The following TENM2 variants were observed in gnomAD, a reference collection of about 807,000 sequenced individuals.
TENM2 encodes the protein teneurin-2.
A neutral mutation model predicts 245.2 loss-of-function variants in TENM2; 52 were observed. The ratio of observed to expected loss-of-function variants is 0.21; its 90% CI spans 0.17 to 0.27. TENM2 has a LOEUF of 0.27. TENM2 is among the 10% of genes least tolerant of loss of function. TENM2 has a pLI of 1.00. For synonymous variants in TENM2, 1,363 were observed against 1,438.9 expected, an observed-to-expected ratio of 0.95 and a Z score of 1.19; for missense variants, 3,046 against 3,666.8, an observed-to-expected ratio of 0.83 and a Z score of 4.37.
the TENM2 span, among the ~76,000 whole-genome samples, chr5:167,042,627 A>G: frequency 1.2e-4 from 19 of 152,350 alleles, no homozygotes; most frequent in African/African-American, 4.6e-4. Flanking sequence ...GTCTATAAAG[A>G]CATACATTTC....
intron 2 of TENM2, among the ~76,000 whole-genome samples, chr5:167,615,537 G>A (rs1777735710): frequency 6.6e-6 from 1 of 152,094 alleles, no homozygotes; most frequent in Non-Finnish European, 1.5e-5. Context: ...ATCTTTAGTT[G>A]TGTTGTAATT....
chr5:167,715,537 T>C (rs1179264008), intron 2 of TENM2, among the ~76,000 whole-genome samples: 1 of 152,208 alleles, frequency 6.6e-6, no homozygotes, highest in African/African-American at 2.4e-5. Flanking sequence ...ATTTTATGGT[T>C]ATGAACAAAG....
chr5:167,627,841 G>T (rs1778612113), intron 2 of TENM2, among the ~76,000 whole-genome samples: 1 of 152,116 alleles, frequency 6.6e-6, no homozygotes, highest in South Asian at 2.1e-4. Context: ...ACAGGCGTGA[G>T]CCACCACGCC....
chr5:167,000,152 A>G, the TENM2 span, among the ~76,000 whole-genome samples: 1 of 151,346 alleles, frequency 6.6e-6, no homozygotes, highest in Non-Finnish European at 1.5e-5. Context: ...TGTCACAGTC[A>G]GTGGAAGAGA....
intron 27 of TENM2, among the ~76,000 whole-genome samples, chr5:168,259,060 C>T (rs1475707469): frequency 1.3e-5 from 2 of 151,244 alleles, no homozygotes; most frequent in African/African-American, 4.9e-5. Context: ...GTGGCGGGCA[C>T]CTGTAATCCC....
intron 2 of TENM2, among the ~76,000 whole-genome samples, chr5:167,798,575 C>T (rs1035909541): frequency 6.6e-5 from 10 of 152,166 alleles, no homozygotes; most frequent in African/African-American, 2.4e-4. Flanking sequence ...CATTGACTGA[C>T]GTAGGGCTGA....
chr5:168,251,916 T>C (rs1767142351), intron 27 of TENM2, among the ~76,000 whole-genome samples: 1 of 152,174 alleles, frequency 6.6e-6, no homozygotes, highest in Non-Finnish European at 1.5e-5. Context: ...CTCAGAGACA[T>C]CTGGGCAGGA....
intron 25 of TENM2, among the ~76,000 whole-genome samples, chr5:168,238,415 G>A (rs1346422774): frequency 2.6e-5 from 4 of 152,092 alleles, no homozygotes; most frequent in Admixed American, 6.6e-5. Context: ...GCTTTTAAAC[G>A]TCGCCAGACA....
chr5:168,066,995 T>C (rs1319760474), intron 7 of TENM2, among the ~76,000 whole-genome samples: 3 of 152,238 alleles, frequency 2.0e-5, no homozygotes, highest in African/African-American at 7.2e-5. Flanking sequence ...GCTACTGATA[T>C]GTCAAGCCAA....
intron 12 of TENM2, among the ~76,000 whole-genome samples, chr5:168,143,898 G>A (rs1755791035): frequency 7.5e-6 from 1 of 133,952 alleles, no homozygotes; most frequent in African/African-American, 2.8e-5. Context: ...TTCCCAGGCT[G>A]GAGAGCAGTG....
chr5:167,740,156 C>T (rs1019372151), intron 2 of TENM2, among the ~76,000 whole-genome samples: 1 of 152,140 alleles, frequency 6.6e-6, no homozygotes, highest in East Asian at 1.9e-4. Flanking sequence ...CACTTACCGC[C>T]CCTTTGCCCA....
At chr5:167,832,559 A>G (rs1331453490) in intron 2 of TENM2, among the ~76,000 whole-genome samples, 1 of 152,224 alleles carries the variant, frequency 6.6e-6, no homozygotes, top group Admixed American at 6.5e-5. Flanking sequence ...ATGTCTGTGC[A>G]TGTTAGCATA....
intron 12 of TENM2, among the ~76,000 whole-genome samples, 165 bp from the exon 15 acceptor site, chr5:168,162,446 G>C (rs1740364648): frequency 6.6e-6 from 1 of 152,210 alleles, no homozygotes; most frequent in Non-Finnish European, 1.5e-5. Flanking sequence ...TCTTGCTACT[G>C]CATGCGTTGC....
chr5:167,336,124 C>T (rs1310997410), intron 1 of TENM2, among the ~76,000 whole-genome samples: 2 of 150,818 alleles, frequency 1.3e-5, no homozygotes, highest in Non-Finnish European at 2.9e-5. Flanking sequence ...ATGGTGCCTG[C>T]ACATTTACAA....
At position 167,601,941 on chromosome 5, in the gene TENM2, A is replaced by G. The variant is rs115683791; in HGVS notation, c.502+226468A>G. 3.4e-3 allele frequency among the ~76,000 whole-genome samples: 511 copies of G among 151,946 alleles called. 5 individuals are homozygous for G. Among genetic ancestry groups the G allele is most frequent in the African/African-American group, 0.012 (493 of 41,430 alleles). On this transcript the variant is annotated intron_variant, in intron 2 of 28. Coordinates refer to ENST00000518659, the Ensembl canonical transcript of TENM2. ...AAGAGGAAAGGAACTGGGGATGGTGAAGGATGGCAGGAGGAAGAGGGAAGG... is the reference window on the plus strand; with the variant it reads ...AAGAGGAAAGGAACTGGGGATGGTGGAGGATGGCAGGAGGAAGAGGGAAGG...
chr5:167,368,106 CA>C (rs1235465203), intron 1 of TENM2, among the ~76,000 whole-genome samples: 1 of 151,728 alleles, frequency 6.6e-6, no homozygotes, highest in African/African-American at 2.4e-5. Flanking sequence ...AATCAATATT[CA>C]AAAGAACAAA....
At chr5:168,111,870 C>A in intron 9 of TENM2, among the ~76,000 whole-genome samples, 1 of 148,344 alleles carries the variant, frequency 6.7e-6, no homozygotes, top group East Asian at 2.1e-4. Context: ...TCTTGTCTTA[C>A]CTTTATTGGC....
intron 12 of TENM2, among the ~76,000 whole-genome samples, chr5:168,154,151 A>AAAAAAAAAAAAAAAAAC (rs1756915480): frequency 9.0e-5 from 9 of 99,506 alleles, no homozygotes; most frequent in Non-Finnish European, 2.5e-4. Flanking sequence ...CTACTTTAAA[A>AAAAAAAAAAAAAAAAAC]AAAAAAAAAA....
intron 2 of TENM2, among the ~76,000 whole-genome samples, chr5:167,751,532 A>C (rs1713258022): frequency 6.6e-6 from 1 of 152,200 alleles, no homozygotes; most frequent in African/African-American, 2.4e-5. Context: ...AGCAAGATAA[A>C]GTGAGAAAGA....
Sources: allele counts gnomAD v4.1 joint callset (sites outside exome capture counted in the v4.1 genomes callset), GRCh38; gene constraint gnomAD v4.1.1; transcripts MANE v1.5; gene names NCBI Gene and HGNC (gene_info 2026-07-23, HGNC 2026-07-21).